The following VTI1A variants were observed in gnomAD, a reference collection of about 807,000 sequenced individuals.
VTI1A encodes the protein vesicle transport through interaction with t-SNAREs homolog 1A.
In VTI1A, 22 loss-of-function variants were observed where a neutral mutation model predicts 34.9. The observed-to-expected ratio is 0.63, with a 90% CI of 0.45 to 0.90. The LOEUF is 0.90. Ranked by LOEUF, VTI1A falls within the 40% of genes least tolerant of loss-of-function variation. The probability of loss-of-function intolerance (pLI) is 0.00; values close to 1 mark genes in which losing one functional copy is unlikely to be tolerated. For missense variants in VTI1A, 268 were observed against 275.6 expected, an observed-to-expected ratio of 0.97 and a Z score of 0.20; for synonymous variants, 87 against 97.3, an observed-to-expected ratio of 0.89 and a Z score of 0.62.
At chr10:112,682,667 C>T (rs374255769) in intron 7 of VTI1A, among the ~76,000 whole-genome samples, 107 of 152,284 alleles carry the variant, frequency 7.0e-4, no homozygotes, top group African/African-American at 2.5e-3. Flanking sequence ...AACTCTGGGG[C>T]GACTGGATCC....
At chr10:112,797,422 T>G (rs1852710864) in intron 7 of VTI1A, among the ~76,000 whole-genome samples, 1 of 152,178 alleles carries the variant, frequency 6.6e-6, no homozygotes, top group Non-Finnish European at 1.5e-5. Context: ...TTAAGACAAT[T>G]GCTGTAAATC....
chr10:112,592,418 T>A (rs1160662344), intron 5 of VTI1A, among the ~76,000 whole-genome samples: 1 of 152,194 alleles, frequency 6.6e-6, no homozygotes, highest in Non-Finnish European at 1.5e-5. Context: ...CCTCCAAGGC[T>A]TACCTCAAAG....
chr10:112,529,397 T>G (rs2134229218), intron 4 of VTI1A, among the ~76,000 whole-genome samples: 1 of 152,278 alleles, frequency 6.6e-6, no homozygotes, highest in South Asian at 2.1e-4. Flanking sequence ...GTATGGTCAC[T>G]TGAGAATAAC....
rs138237209 is a variant in VTI1A at position 112,462,306 on chromosome 10, A to G, written c.153+1724A>G. On this transcript the variant is annotated intron_variant, in intron 2 of 7. Coordinates refer to ENST00000393077, the MANE Select transcript of VTI1A (RefSeq NM_145206.4). ...CTCCCACTCTGCACTGGCCACATAA[A>G]TGTTGTGACAACATGGAACAAGTGC... 2.6e-5 allele frequency among the ~76,000 whole-genome samples: 4 copies of G among 152,356 alleles called. No individual in the cohort carries two copies. The East Asian group carries it at 7.7e-4, about 29-fold the overall frequency.
chr10:112,615,243 A>G (rs1845473105), intron 5 of VTI1A, among the ~76,000 whole-genome samples: 1 of 152,244 alleles, frequency 6.6e-6, no homozygotes, highest in South Asian at 2.1e-4. Flanking sequence ...AAACTGTCAC[A>G]GTAGTTTAGC....
chr10:112,684,056 AC>A (rs1212123065), intron 7 of VTI1A, among the ~76,000 whole-genome samples: 1 of 151,962 alleles, frequency 6.6e-6, no homozygotes, highest in African/African-American at 2.4e-5. Flanking sequence ...AAAAAAAAAA[AC>A]ACCTCTTATT....
chr10:112,491,299 T>C (rs777476266), intron 3 of VTI1A, among the ~76,000 whole-genome samples: 1 of 152,238 alleles, frequency 6.6e-6, no homozygotes, highest in African/African-American at 2.4e-5. Context: ...GAAATAAGCA[T>C]AGACAGCAGG....
chr10:112,761,806 A>G lies in VTI1A; in HGVS notation c.561-53484A>G, dbSNP rs191948867. 1.8e-3 allele frequency among the ~76,000 whole-genome samples: 270 copies of G among 148,106 alleles called. 2 individuals carry two copies. The highest frequency in any genetic ancestry group is 1.6e-3 in the Non-Finnish European group (106 of 67,330). On this transcript the variant is annotated intron_variant, in intron 7 of 7. Coordinates refer to ENST00000393077, the MANE Select transcript of VTI1A (RefSeq NM_145206.4). The stretch of plus-strand genomic sequence containing the variant: ...TGTGTGTGTGTGTGTGTGTATGTAT[A>G]TGAATATATTAATATATGTATATGC...
At chr10:112,660,954 G>T (rs2133820857) in intron 5 of VTI1A, among the ~76,000 whole-genome samples, 1 of 152,210 alleles carries the variant, frequency 6.6e-6, no homozygotes, top group African/African-American at 2.4e-5. Flanking sequence ...GAATATAAGA[G>T]AAAAAGAAAT....
At chr10:112,678,693 G>A (rs1848113734) in intron 7 of VTI1A, among the ~76,000 whole-genome samples, 1 of 152,228 alleles carries the variant, frequency 6.6e-6, no homozygotes, top group Non-Finnish European at 1.5e-5. Context: ...AAGGCTGGCT[G>A]TGTTATAAGA....
At chr10:112,637,057 C>T (rs541369165) in intron 5 of VTI1A, among the ~76,000 whole-genome samples, 1 of 152,286 alleles carries the variant, frequency 6.6e-6, no homozygotes, top group African/African-American at 2.4e-5. Context: ...ATATATTTAA[C>T]TTAAATAATG....
chr10:112,527,133 T>G lies in VTI1A; in HGVS notation c.311T>G (p.Leu104Arg). Reference protein sequence around the residue: ...AYSDEVRNELLGDDGNSSENQ... With the variant: ...AYSDEVRNELRGDDGNSSENQ... ...AGTGACGAAGTACGGAATGAGCTCC[T>G]GGGGGATGATGGGAATTCCTCAGAG... The change falls in exon 4 of 8, where the codon CTG (leucine) becomes CGG (arginine). Residue 104 changes from leucine to arginine, a missense_variant. Coordinates refer to ENST00000393077, the MANE Select transcript of VTI1A (RefSeq NM_145206.4). The G allele has an allele frequency of 6.2e-7, 1 of 1,613,430 alleles. No individual in the cohort carries two copies. Among genetic ancestry groups the G allele is most frequent in the Non-Finnish European group, 8.5e-7 (1 of 1,179,668 alleles).
chr10:112,840,697 G>T, the VTI1A span, among the ~76,000 whole-genome samples: 4 of 152,148 alleles, frequency 2.6e-5, no homozygotes, highest in African/African-American at 9.7e-5. Flanking sequence ...CTAAGAATTG[G>T]CTGGTTCCCA....
At chr10:112,661,739 A>G (rs1402395296) in intron 5 of VTI1A, among the ~76,000 whole-genome samples, 1 of 147,092 alleles carries the variant, frequency 6.8e-6, no homozygotes, top group Non-Finnish European at 1.5e-5. Context: ...GTTCTCCTGA[A>G]TGTATCTTTT....
chr10:112,458,394 T>TA (rs1429700894), intron 1 of VTI1A, among the ~76,000 whole-genome samples: 3 of 152,156 alleles, frequency 2.0e-5, no homozygotes, highest in Non-Finnish European at 2.9e-5. Flanking sequence ...CAGAAGCAAA[T>TA]ACATTTGGGA....
chr10:112,527,004 A>G (rs1316147492), intron 3 of VTI1A, 83 bp from the exon 4 acceptor site: 9 of 1,394,072 alleles, frequency 6.5e-6, no homozygotes, highest in Non-Finnish European at 9.0e-6. Flanking sequence ...GAGGTTTGAG[A>G]TCAGCCTTGA....
intron 7 of VTI1A, among the ~76,000 whole-genome samples, chr10:112,743,013 C>T (rs1440993734): frequency 7.0e-6 from 1 of 141,982 alleles, no homozygotes; most frequent in East Asian, 2.1e-4. Context: ...GACCTATTCT[C>T]GTGTGTGTGT....
chr10:112,709,028 C>T (rs1849303837), intron 7 of VTI1A, among the ~76,000 whole-genome samples: 1 of 152,150 alleles, frequency 6.6e-6, no homozygotes, highest in Non-Finnish European at 1.5e-5. Flanking sequence ...CGTCTATTGT[C>T]AATTTTCTTA....
intron 3 of VTI1A, among the ~76,000 whole-genome samples, chr10:112,524,558 T>G (rs1335451837): frequency 6.6e-6 from 1 of 151,612 alleles, no homozygotes; most frequent in Non-Finnish European, 1.5e-5. Context: ...GCCTTAGTTC[T>G]CCTCTGTTGC....
Sources: allele counts gnomAD v4.1 joint callset (sites outside exome capture counted in the v4.1 genomes callset), GRCh38; gene constraint gnomAD v4.1.1; transcripts MANE v1.5; gene names NCBI Gene and HGNC (gene_info 2026-07-23, HGNC 2026-07-21).